The following CADM2 variants were observed in gnomAD, a reference collection of about 807,000 sequenced individuals.
CADM2 encodes the protein cell adhesion molecule 2.
In CADM2, 12 loss-of-function variants were observed where a neutral mutation model predicts 49.8. The ratio of observed to expected loss-of-function variants is 0.24; its 90% CI spans 0.15 to 0.39. CADM2 has a LOEUF of 0.39. Ranked by LOEUF, CADM2 falls within the 10% of genes least tolerant of loss-of-function variation. The pLI is 1.00. For synonymous variants in CADM2, 214 were observed against 175.4 expected (o/e 1.22, Z -1.74); for missense variants, 378 against 492.3 (o/e 0.77, Z 2.20).
In CADM2 at chr3:85,340,638, G is replaced by GA. The variant is rs142845573; in HGVS notation, c.61+380972dup. On this transcript the variant is annotated intron_variant, in intron 1 of 9. Transcript: ENST00000383699. The stretch of plus-strand genomic sequence containing the variant: ...TTTTTGGCTCAATGTATTGAAAAGA[G>GA]AATTAGAATAGATTTTCTGATCATC... Among the ~76,000 whole-genome samples the GA allele has an allele frequency of 2.2e-3, 339 of 151,636 alleles. 8 individuals are homozygous for GA. In the East Asian group the frequency reaches 0.063, roughly 28 times the overall value.
At chr3:85,754,286 A>T (rs1376496513) in intron 2 of CADM2, among the ~76,000 whole-genome samples, 1 of 152,096 alleles carries the variant, frequency 6.6e-6, no homozygotes, top group Non-Finnish European at 1.5e-5. Context: ...CCATTCCCTG[A>T]CACCAGGTGC....
chr3:85,899,902 TG>T (rs1434953388), intron 5 of CADM2, among the ~76,000 whole-genome samples: 1 of 152,122 alleles, frequency 6.6e-6, no homozygotes, highest in Non-Finnish European at 1.5e-5. Context: ...AAGCGAATAC[TG>T]GGGGGAGCAC....
intron 1 of CADM2, among the ~76,000 whole-genome samples, chr3:85,565,156 G>T (rs2062218729): frequency 6.6e-6 from 1 of 151,884 alleles, no homozygotes; most frequent in African/African-American, 2.4e-5. Context: ...GAATAGCATT[G>T]TTTATAACTG....
At chr3:85,213,422 T>C (rs1576133174) in intron 1 of CADM2, among the ~76,000 whole-genome samples, 1 of 152,128 alleles carries the variant, frequency 6.6e-6, no homozygotes, top group Admixed American at 6.6e-5. Flanking sequence ...AAGATTTCCA[T>C]TGAGAAGTCT....
intron 5 of CADM2, among the ~76,000 whole-genome samples, chr3:85,895,449 T>C (rs1715099453): frequency 6.6e-6 from 1 of 152,198 alleles, no homozygotes. Flanking sequence ...AGTAACTAAC[T>C]ACATTTGATT....
chr3:85,769,566 C>T (rs1336913862), intron 2 of CADM2, among the ~76,000 whole-genome samples: 1 of 56,760 alleles, frequency 1.8e-5, no homozygotes, highest in Non-Finnish European at 3.2e-5. Flanking sequence ...TATATATACA[C>T]GTATATACAT....
At chr3:85,450,808 G>C (rs1240386840) in intron 1 of CADM2, among the ~76,000 whole-genome samples, 1 of 151,782 alleles carries the variant, frequency 6.6e-6, no homozygotes, top group African/African-American at 2.4e-5. Flanking sequence ...ATTGAAATTT[G>C]TCTAACCAGA....
chr3:85,025,643 C>A (rs930002429), intron 1 of CADM2, among the ~76,000 whole-genome samples: 31 of 152,116 alleles, frequency 2.0e-4, no homozygotes, highest in African/African-American at 7.0e-4. Flanking sequence ...CTTTGCATAG[C>A]GCATTAGAGC....
At chr3:85,706,294 T>C (rs1417309239) in intron 1 of CADM2, among the ~76,000 whole-genome samples, 3 of 152,256 alleles carry the variant, frequency 2.0e-5, no homozygotes, top group African/African-American at 7.2e-5. Context: ...AAGCCTCTCT[T>C]TATTTCTATC....
At chr3:85,153,374 T>C (rs4856268) in intron 1 of CADM2, among the ~76,000 whole-genome samples, 102,934 of 152,140 alleles carry the variant, frequency 0.68, 35,705 homozygotes, top group African/African-American at 0.82. Flanking sequence ...TGCACTTTTC[T>C]GATGGTCTTA....
At chr3:85,684,444 CAGAG>C (rs112163774) in intron 1 of CADM2, among the ~76,000 whole-genome samples, 16 of 148,504 alleles carry the variant, frequency 1.1e-4, no homozygotes, top group South Asian at 4.3e-4. Context: ...CACACTTTGA[CAGAG>C]AGAGAGAGAG....
chr3:85,469,186 T>TGGGTG (rs1489142814), intron 1 of CADM2, among the ~76,000 whole-genome samples: 3 of 151,944 alleles, frequency 2.0e-5, no homozygotes, highest in Non-Finnish European at 2.9e-5. Flanking sequence ...GATATGGGAG[T>TGGGTG]GGGTGGAGTC....
At chr3:85,613,218 C>T (rs1331924465) in intron 1 of CADM2, among the ~76,000 whole-genome samples, 1 of 151,260 alleles carries the variant, frequency 6.6e-6, no homozygotes, top group East Asian at 1.9e-4. Flanking sequence ...ATATGCTATC[C>T]ATTACATCTA....
intron 1 of CADM2, among the ~76,000 whole-genome samples, chr3:85,616,400 T>C (rs2063801785): frequency 6.6e-6 from 1 of 152,130 alleles, no homozygotes; most frequent in Non-Finnish European, 1.5e-5. Flanking sequence ...AATAAAGCTA[T>C]TGAAATATGT....
intron 1 of CADM2, among the ~76,000 whole-genome samples, chr3:85,627,219 A>C (rs1038250611): frequency 4.6e-5 from 7 of 152,012 alleles, no homozygotes; most frequent in Non-Finnish European, 8.8e-5. Context: ...AATACAATTC[A>C]GGAACAGTGA....
chr3:85,035,148 T>C (rs928770006), intron 1 of CADM2, among the ~76,000 whole-genome samples: 8 of 152,130 alleles, frequency 5.3e-5, no homozygotes, highest in Admixed American at 4.6e-4. Context: ...GCTGCAGTTT[T>C]AATTTGCATT....
chr3:85,678,674 C>T (rs1256841041), intron 1 of CADM2, among the ~76,000 whole-genome samples: 2 of 152,162 alleles, frequency 1.3e-5, no homozygotes, highest in African/African-American at 4.8e-5. Context: ...ATTTAATCCT[C>T]ATAAAAATCT....
At chr3:85,447,235 C>G (rs1048619477) in intron 1 of CADM2, among the ~76,000 whole-genome samples, 1 of 151,382 alleles carries the variant, frequency 6.6e-6, no homozygotes, top group Non-Finnish European at 1.5e-5. Context: ...ATCCTAGAAA[C>G]TGTTGGGTGA....
At chr3:85,816,513 T>C (rs954439620) in intron 3 of CADM2, among the ~76,000 whole-genome samples, 1 of 152,164 alleles carries the variant, frequency 6.6e-6, no homozygotes, top group Non-Finnish European at 1.5e-5. Context: ...ATGGTCTTGA[T>C]GTATAGACTC....
Sources: allele counts gnomAD v4.1 joint callset (sites outside exome capture counted in the v4.1 genomes callset), GRCh38; gene constraint gnomAD v4.1.1; transcripts MANE v1.5; gene names NCBI Gene and HGNC (gene_info 2026-07-23, HGNC 2026-07-21).